The following TARS3 variants were observed in gnomAD, a reference collection of about 807,000 sequenced individuals.
The protein encoded by TARS3 is threonine--tRNA ligase 2, cytoplasmic.
In TARS3, 94 loss-of-function variants were observed where a neutral mutation model predicts 103.5. The ratio of observed to expected loss-of-function variants is 0.91; its 90% CI spans 0.77 to 1.08. TARS3 has a LOEUF of 1.08. Ranked by LOEUF, TARS3 falls within the 50% of genes least tolerant of loss-of-function variation. The pLI, the probability that TARS3 is intolerant of heterozygous loss-of-function variation, is 0.00. For missense variants in TARS3, 952 were observed against 995.2 expected (o/e 0.96, Z 0.58); for synonymous variants, 416 against 355.4 (o/e 1.17, Z -1.92).
chr15:101,702,617 A>T (rs1003882669), intron 8 of TARS3, among the ~76,000 whole-genome samples: 2 of 152,192 alleles, frequency 1.3e-5, no homozygotes, highest in African/African-American at 4.8e-5. Context: ...AGAAAATACA[A>T]AAACTAGCCA....
In TARS3 at chr15:101,697,145, T is replaced by G. The variant is rs117016677; in HGVS notation, c.1320+3941A>C. 4.0e-3 allele frequency among the ~76,000 whole-genome samples: 610 copies of G among 152,328 alleles called. 4 individuals are homozygous for G. The highest frequency in any genetic ancestry group is 0.024 in the Middle Eastern group (7 of 294). ...TTTTCCCTCCCTTGAAATGCCTGCT[T>G]CTGGTTTCTGCCAGAAGCTATGAAG... is the stretch of plus-strand genomic sequence containing the variant. On this transcript the variant is annotated intron_variant, in intron 10 of 18. Coordinates refer to ENST00000335968, the MANE Select transcript of TARS3 (RefSeq NM_152334.3).
Position 101,686,038 on chromosome 15 carries a change from T to C in TARS3, c.1345A>G (p.Thr449Ala). ...TACATATTGGGAGAGAGCACCTCCG[T>C]GAAGTCCCGTTTGTGATATTCCTCC... The part of the protein sequence containing the change: ...IREEYHKRDF[T>A]EVLSPNMYNS... The change falls in exon 11 of 19, where the codon ACG becomes GCG. Residue 449 changes from threonine to alanine, a missense_variant. Thr to Ala is a moderately conservative substitution (Grantham distance 58, BLOSUM62 0). Transcript: ENST00000335968. 6 of 1,611,236 alleles carry C rather than the reference T, an allele frequency of 3.7e-6. No homozygotes were observed. Among genetic ancestry groups the C allele is most frequent in the Non-Finnish European group, 4.2e-6 (5 of 1,178,234 alleles).
intron 3 of TARS3, 60 bp from the exon 4 acceptor site, chr15:101,715,023 A>C: frequency 2.7e-6 from 4 of 1,483,012 alleles, no homozygotes; most frequent in Non-Finnish European, 3.6e-6. Flanking sequence ...ATTCCTTAAA[A>C]TATTAAAAGA....
intron 13 of TARS3, among the ~76,000 whole-genome samples, chr15:101,673,284 C>T (rs1897886458): frequency 6.6e-6 from 1 of 152,152 alleles, no homozygotes; most frequent in East Asian, 1.9e-4. Flanking sequence ...GCCTATTCTC[C>T]CCATGCCAGG....
At chr15:101,700,586 CA>C (rs777037463) in intron 10 of TARS3, among the ~76,000 whole-genome samples, 2 of 151,672 alleles carry the variant, frequency 1.3e-5, no homozygotes, top group East Asian at 1.9e-4. Flanking sequence ...GGAATGTATT[CA>C]GGGGAAACAG....
chr15:101,715,366 T>C (rs1485497978), intron 3 of TARS3, among the ~76,000 whole-genome samples: 2 of 151,988 alleles, frequency 1.3e-5, no homozygotes, highest in Non-Finnish European at 2.9e-5. Context: ...CGGGATGGTC[T>C]CGATCTCCTG....
chr15:101,690,928 T>C (rs944345487), intron 10 of TARS3, among the ~76,000 whole-genome samples: 11 of 152,184 alleles, frequency 7.2e-5, no homozygotes, highest in Non-Finnish European at 1.5e-4. Flanking sequence ...GCAATGAAAA[T>C]TATTTAATGG....
intron 10 of TARS3, among the ~76,000 whole-genome samples, chr15:101,690,389 G>A (rs1425650093): frequency 6.6e-6 from 1 of 152,194 alleles, no homozygotes; most frequent in Non-Finnish European, 1.5e-5. Flanking sequence ...AAAATAAGGT[G>A]TATAAAGAAA....
chr15:101,710,570 G>A (rs1179379233), intron 5 of TARS3, among the ~76,000 whole-genome samples: 2 of 152,152 alleles, frequency 1.3e-5, no homozygotes, highest in African/African-American at 2.4e-5. Flanking sequence ...CAGAGAGTTG[G>A]AGCACTGGCC....
At chr15:101,715,646 T>G (rs1337456635) in intron 3 of TARS3, among the ~76,000 whole-genome samples, 2 of 152,228 alleles carry the variant, frequency 1.3e-5, no homozygotes, top group African/African-American at 4.8e-5. Flanking sequence ...GCTTGCATTT[T>G]CTGTCATGCC....
chr15:101,713,183 T>C (rs980878083), intron 4 of TARS3, among the ~76,000 whole-genome samples: 4 of 152,116 alleles, frequency 2.6e-5, no homozygotes, highest in African/African-American at 9.7e-5. Context: ...GAGAAGGGTG[T>C]TTAAAAGGAG....
intron 13 of TARS3, among the ~76,000 whole-genome samples, chr15:101,675,200 G>T (rs762725091): frequency 4.6e-5 from 7 of 152,130 alleles, no homozygotes; most frequent in Admixed American, 1.3e-4. Context: ...TGACTACGAA[G>T]GGGACTATGC....
At chr15:101,704,654 C>CA (rs1899458919) in intron 7 of TARS3, among the ~76,000 whole-genome samples, 2 of 98,212 alleles carry the variant, frequency 2.0e-5, no homozygotes, top group Non-Finnish European at 4.3e-5. Flanking sequence ...GACTCCATCT[C>CA]AAAAAATTAA....
In TARS3 at chr15:101,724,464, G is replaced by T; in HGVS notation, c.-77C>A. On this transcript the variant is annotated 5_prime_UTR_variant, in exon 1 of 19. Coordinates refer to ENST00000335968, the MANE Select transcript of TARS3 (RefSeq NM_152334.3). ...AGGGCGACGCGGACACTCAGCGCAC[G>T]GCAGAAGACAGGGCTCCCGGGAGGG... is the stretch of plus-strand genomic sequence containing the variant. 1 of 1,342,246 alleles carries T rather than the reference G, an allele frequency of 7.5e-7. No individual in the cohort carries two copies. Among genetic ancestry groups the T allele is most frequent in the Middle Eastern group, 2.7e-4 (1 of 3,650 alleles). The allele number at this position is 1,342,246 out of a possible 1,614,324, so 83.1% of individuals were successfully genotyped here.
chr15:101,706,433 T>C (rs1385026827), intron 6 of TARS3, among the ~76,000 whole-genome samples: 1 of 152,260 alleles, frequency 6.6e-6, no homozygotes, highest in Admixed American at 6.5e-5. Context: ...TTTTATATAT[T>C]GGGTTAAAAA....
At position 101,701,160 on chromosome 15, in the gene TARS3, C is replaced by A. The variant is rs768862987; in HGVS notation, c.1246G>T (p.Asp416Tyr). The A allele has an allele frequency of 6.3e-7, 1 of 1,594,986 alleles. No individual in the cohort carries two copies. Among genetic ancestry groups the A allele is most frequent in the South Asian group, 1.2e-5 (1 of 86,100 alleles). The change falls in exon 10 of 19, where the codon GAT becomes TAT. Residue 416 changes from aspartate (D) to tyrosine (Y), a missense_variant. Transcript: ENST00000335968. Reference sequence around the variant, plus strand: ...AAAAAACAGCTTCCAGGACTCAAATCGTGGAAAAAGAAAAGTTCTTGTTCC... The same window carrying A: ...AAAAAACAGCTTCCAGGACTCAAATAGTGGAAAAAGAAAAGTTCTTGTTCC... ...GKEQELFFFH[D>Y]LSPGSCFFLP...
rs375421812 is a variant in TARS3 at position 101,711,979 on chromosome 15, T to G, written c.713A>C (p.His238Pro). ...AQAVYWHSSAHILGEAMELYY... is the reference protein window; with the variant it reads ...AQAVYWHSSAPILGEAMELYY... ...AAGCTCCATGGCCTCCCCAAGAATG[T>G]GAGCACTGGAGTGCCAGTACACCTG... The change falls in exon 5 of 19, where the codon CAC becomes CCC. Residue 238 changes from histidine (H) to proline (P), a missense_variant. Physicochemically the swap from His to Pro is moderately conservative, Grantham distance 77. Coordinates refer to ENST00000335968, the MANE Select transcript of TARS3 (RefSeq NM_152334.3). 4 of 1,613,608 alleles carry G rather than the reference T, an allele frequency of 2.5e-6. No homozygotes were observed. Among genetic ancestry groups the G allele is most frequent in the Non-Finnish European group, 1.7e-6 (2 of 1,179,738 alleles).
chr15:101,724,274 G>T lies in TARS3; in HGVS notation c.114C>A (p.Asn38Lys). The T allele has an allele frequency of 6.4e-7, 1 of 1,571,774 alleles. No individual in the cohort carries two copies. The highest frequency in any genetic ancestry group is 8.6e-7 in the Non-Finnish European group (1 of 1,165,366). Residue 38 changes from asparagine to lysine, a missense_variant, in exon 1 of 19, where the codon AAC becomes AAA. Asn to Lys is a moderately conservative substitution (Grantham distance 94). This residue lies in a region of TARS3 where 412 missense variants were observed against 364.2 expected (regional missense o/e 1.13). Coordinates refer to ENST00000335968, the MANE Select transcript of TARS3 (RefSeq NM_152334.3). ...EVERLRDEQL[N>K]APYSCQAEGP... ...CCTCCGCCTGGCAGCTGTAGGGCGCGTTCAGCTGCTCGTCCCTCAGGCGCT... is the reference window on the plus strand; with the variant it reads ...CCTCCGCCTGGCAGCTGTAGGGCGCTTTCAGCTGCTCGTCCCTCAGGCGCT...
intron 7 of TARS3, 33 bp downstream of exon 7, chr15:101,705,650 A>G: frequency 6.3e-7 from 1 of 1,590,978 alleles, no homozygotes; most frequent in South Asian, 1.1e-5. Flanking sequence ...CAAGTTTACC[A>G]CTGAGCAGCG....
Sources: allele counts gnomAD v4.1 joint callset (sites outside exome capture counted in the v4.1 genomes callset), GRCh38; gene constraint gnomAD v4.1.1; regional missense constraint gnomAD v4.1.1; transcripts MANE v1.5; gene names NCBI Gene and HGNC (gene_info 2026-07-23, HGNC 2026-07-21).